FLRT1: variants seen among roughly 807,000 people sequenced by gnomAD.
FLRT1 encodes the protein leucine-rich repeat transmembrane protein FLRT1.
In FLRT1, 14 loss-of-function variants were observed where a neutral mutation model predicts 30.9. That is an observed-to-expected ratio of 0.45 (90% CI 0.30 to 0.71). FLRT1 has a LOEUF of 0.71. FLRT1 is among the 30% of genes least tolerant of loss of function. The pLI, the probability that FLRT1 is intolerant of heterozygous loss-of-function variation, is 0.08. For synonymous variants in FLRT1, 368 were observed against 430.4 expected (o/e 0.85, Z 1.80); for missense variants, 737 against 949.2 (o/e 0.78, Z 2.94).
chr11:64,072,040 G>A lies in FLRT1; in HGVS notation c.-1037-31154G>A, dbSNP rs571677740. 7.6e-4 allele frequency among the ~76,000 whole-genome samples: 116 copies of A among 152,308 alleles called. No individual in the cohort carries two copies. In the South Asian group the frequency reaches 0.022, roughly 28 times the overall value. On this transcript the variant is annotated intron_variant, in intron 1 of 2. Transcript: ENST00000682287. ...AAACAAACGCACTATTGACCGCCGCGCGCACTAAATCCTCCCGGCAGACAA... is the reference window on the plus strand; with the variant it reads ...AAACAAACGCACTATTGACCGCCGCACGCACTAAATCCTCCCGGCAGACAA...
In FLRT1 at chr11:64,102,006, G is replaced by T. The variant is rs1359101650; in HGVS notation, c.-1037-1188G>T. Among the ~76,000 whole-genome samples the T allele has an allele frequency of 3.9e-5, 6 of 152,290 alleles. No homozygotes were observed. The East Asian group carries it at 9.6e-4, about 24-fold the overall frequency. On this transcript the variant is annotated intron_variant, in intron 1 of 2. Transcript: ENST00000682287. ...GGCAGCCACCCCCCATCTGGGTGCTGGGCTTATTAAAACATGAACCCTAAT... is the reference window on the plus strand; with the variant it reads ...GGCAGCCACCCCCCATCTGGGTGCTTGGCTTATTAAAACATGAACCCTAAT...
Position 64,036,625 on chromosome 11 carries a change from G to A in FLRT1, c.-1038+466G>A, listed in dbSNP as rs1034788828. 4.6e-5 allele frequency among the ~76,000 whole-genome samples: 7 copies of A among 152,228 alleles called. No individual in the cohort carries two copies. Among genetic ancestry groups the A allele is most frequent in the East Asian group, 1.9e-4 (1 of 5,176 alleles). ...GGGCGCCGCGCTCCCGTCCCCACCA[G>A]CCGCGTGAGTCACGGTTGGAGCGAG... On this transcript the variant is annotated intron_variant, in intron 1 of 2. Coordinates refer to ENST00000682287, the MANE Select transcript of FLRT1 (RefSeq NM_013280.5). The surrounding 1 kb of genome is among the most constrained non-coding windows in gnomAD (Gnocchi z 5.6).
intron 1 of FLRT1, among the ~76,000 whole-genome samples, chr11:64,065,099 G>A (rs924237671): frequency 1.4e-4 from 21 of 152,220 alleles, no homozygotes; most frequent in Admixed American, 1.1e-3. Context: ...CGGCGGCCTC[G>A]GAGAGACTTC....
Position 64,116,985 on chromosome 11 carries a change from G to A in FLRT1, c.718G>A (p.Ala240Thr), listed in dbSNP as rs777982000. ...DGNLLANQRIADDTFSRLQNL... is the reference protein window; with the variant it reads ...DGNLLANQRITDDTFSRLQNL... Reference sequence around the variant, plus strand: ...TAACCTGCTGGCCAACCAGCGCATCGCCGACGACACCTTCAGCCGCCTACA... The same window carrying A: ...TAACCTGCTGGCCAACCAGCGCATCACCGACGACACCTTCAGCCGCCTACA... The change falls in exon 3 of 3, where the codon GCC becomes ACC. Residue 240 changes from alanine to threonine, a missense_variant. Transcript: ENST00000682287. The A allele has an allele frequency of 3.1e-6, 5 of 1,612,066 alleles. No homozygotes were observed. The highest frequency in any genetic ancestry group is 3.4e-6 in the Non-Finnish European group (4 of 1,179,918).
intron 1 of FLRT1, among the ~76,000 whole-genome samples, chr11:64,043,113 T>C (rs1048597620): frequency 6.6e-6 from 1 of 152,194 alleles, no homozygotes; most frequent in Non-Finnish European, 1.5e-5. Flanking sequence ...TGTGCCTCTG[T>C]CTCCACACCT....
intron 1 of FLRT1, chr11:64,060,649 G>A (rs1943881771): frequency 6.6e-6 from 1 of 152,056 alleles, no homozygotes; most frequent in South Asian, 2.1e-4. Context: ...GCCGTGACCT[G>A]GGGCAAGGTC....
chr11:64,056,337 G>A (rs1376061294), intron 1 of FLRT1, among the ~76,000 whole-genome samples: 3 of 152,026 alleles, frequency 2.0e-5, no homozygotes, highest in Admixed American at 6.6e-5. Flanking sequence ...CCGCTACCCC[G>A]CCACTCCCCG....
At chr11:64,107,474 C>T (rs887921449) in intron 2 of FLRT1, among the ~76,000 whole-genome samples, 5 of 152,206 alleles carry the variant, frequency 3.3e-5, no homozygotes, top group Admixed American at 6.5e-5. Flanking sequence ...GACATCCCGC[C>T]GCCTGGCACC....
At chr11:64,076,465 G>T (rs1364019575) in intron 1 of FLRT1, among the ~76,000 whole-genome samples, 1 of 152,094 alleles carries the variant, frequency 6.6e-6, no homozygotes, top group Non-Finnish European at 1.5e-5. Context: ...TGGATGGACG[G>T]ACGGACGAAT....
In FLRT1 at chr11:64,089,446, C is replaced by T. The variant is rs1264258431; in HGVS notation, c.-1037-13748C>T. 2.6e-5 allele frequency among the ~76,000 whole-genome samples: 4 copies of T among 152,316 alleles called. No homozygotes were observed. The East Asian group carries it at 5.8e-4, about 22-fold the overall frequency. On this transcript the variant is annotated intron_variant, in intron 1 of 2. Coordinates refer to ENST00000682287, the MANE Select transcript of FLRT1 (RefSeq NM_013280.5). ...GTAACATGGAGGAGTCGTCACCTCA[C>T]GGAGCAGGGGTGGGATTCAACACAG...
chr11:64,100,987 T>C (rs575848708), intron 1 of FLRT1, among the ~76,000 whole-genome samples: 36 of 152,244 alleles, frequency 2.4e-4, no homozygotes, highest in African/African-American at 8.7e-4. Flanking sequence ...GTGCATTTAT[T>C]AAGCACCAAC....
intron 2 of FLRT1, among the ~76,000 whole-genome samples, chr11:64,111,301 G>T (rs1944858284): frequency 6.6e-6 from 1 of 152,232 alleles, no homozygotes. Flanking sequence ...AACAGACCAG[G>T]TTGGGGGTAA....
At chr11:64,086,590 C>A (rs558745691) in intron 1 of FLRT1, among the ~76,000 whole-genome samples, 5 of 152,132 alleles carry the variant, frequency 3.3e-5, no homozygotes, top group Non-Finnish European at 5.9e-5. Context: ...CTTTGCACAG[C>A]GGTTCTGCGA....
At chr11:64,063,650 G>GT (rs1376282053) in intron 1 of FLRT1, among the ~76,000 whole-genome samples, 1 of 152,184 alleles carries the variant, frequency 6.6e-6, no homozygotes, top group Admixed American at 6.5e-5. Flanking sequence ...TTTGTGTGAC[G>GT]TGGGAGTGTG....
At chr11:64,040,381 G>A (rs562392503) in intron 1 of FLRT1, among the ~76,000 whole-genome samples, 5 of 152,284 alleles carry the variant, frequency 3.3e-5, no homozygotes, top group African/African-American at 9.6e-5. Flanking sequence ...GGAGAGGGCT[G>A]CATGGAGACC....
rs531437720 is a variant in FLRT1 at position 64,064,209 on chromosome 11, G to A, written c.-1038+28050G>A. 8.5e-5 allele frequency among the ~76,000 whole-genome samples: 13 copies of A among 152,100 alleles called. No homozygotes were observed. Among genetic ancestry groups the A allele is most frequent in the Non-Finnish European group, 1.9e-4 (13 of 68,030 alleles). ...GGGTTTACATGAATAAAACATCAGTGTAGGGGAAAAAAATCCCAAACTGCA... is the reference window on the plus strand; with the variant it reads ...GGGTTTACATGAATAAAACATCAGTATAGGGGAAAAAAATCCCAAACTGCA... On this transcript the variant is annotated intron_variant, in intron 1 of 2. Transcript: ENST00000682287. This position sits in a 1 kb window ranked among gnomAD's most constrained non-coding sequence, Gnocchi z 4.5.
At chr11:64,095,117 A>G (rs974250871) in intron 1 of FLRT1, among the ~76,000 whole-genome samples, 11 of 152,246 alleles carry the variant, frequency 7.2e-5, no homozygotes, top group African/African-American at 2.7e-4. Context: ...CCTCAGAGGA[A>G]AGCCAGGCGT....
intron 1 of FLRT1, among the ~76,000 whole-genome samples, chr11:64,087,476 C>T (rs1396534200): frequency 2.0e-5 from 3 of 152,214 alleles, no homozygotes; most frequent in Admixed American, 2.0e-4. Flanking sequence ...TGGGCAGGGT[C>T]CAGTTGGCCA....
chr11:64,042,861 C>A (rs1041287791), intron 1 of FLRT1, among the ~76,000 whole-genome samples: 1 of 152,204 alleles, frequency 6.6e-6, no homozygotes, highest in African/African-American at 2.4e-5. Flanking sequence ...TAGTGCCACA[C>A]CCCAGTTTCC....
Sources: allele counts gnomAD v4.1 joint callset (sites outside exome capture counted in the v4.1 genomes callset), GRCh38; gene constraint gnomAD v4.1.1; non-coding constraint Gnocchi (gnomAD v3.1); transcripts MANE v1.5; gene names NCBI Gene and HGNC (gene_info 2026-07-23, HGNC 2026-07-21).